The following BANP variants were observed in gnomAD, a reference collection of about 807,000 sequenced individuals.
The protein encoded by BANP is protein BANP.
In BANP, 11 loss-of-function variants were observed where a neutral mutation model predicts 68.1. That is an observed-to-expected ratio of 0.16 (90% CI 0.10 to 0.27). The LOEUF (loss-of-function observed/expected upper bound fraction) is 0.27, where lower values mean the gene tolerates loss of function less well. BANP is among the 10% of genes least tolerant of loss of function. BANP has a pLI of 1.00. For missense variants in BANP, 504 were observed against 722.7 expected, an observed-to-expected ratio of 0.70 and a Z score of 3.47; for synonymous variants, 329 against 303.2, an observed-to-expected ratio of 1.09 and a Z score of -0.88.
chr16:87,955,586 G>A (rs936998107), intron 1 of BANP, among the ~76,000 whole-genome samples: 4 of 152,146 alleles, frequency 2.6e-5, no homozygotes, highest in African/African-American at 7.2e-5. Context: ...GATCCCCTCC[G>A]GGACCCCACA....
intron 9 of BANP, among the ~76,000 whole-genome samples, chr16:88,033,973 A>G (rs11642754): frequency 0.068 from 10,416 of 152,242 alleles, 486 homozygotes; most frequent in Non-Finnish European, 0.1. Context: ...GACCTCGCCT[A>G]TGTTTTTAGT....
chr16:88,073,187 C>G (rs567355682), intron 13 of BANP, among the ~76,000 whole-genome samples: 5 of 152,238 alleles, frequency 3.3e-5, no homozygotes, highest in Non-Finnish European at 7.3e-5. Flanking sequence ...CTCACGCTCA[C>G]CAGGGTGCGC....
chr16:88,060,667 T>A, intron 11 of BANP, among the ~76,000 whole-genome samples: 1 of 152,180 alleles, frequency 6.6e-6, no homozygotes, highest in East Asian at 1.9e-4. Context: ...CGAGAGGCTC[T>A]TCTCACCGTC....
At chr16:87,995,688 A>G (rs2066990986) in intron 4 of BANP, among the ~76,000 whole-genome samples, 1 of 152,234 alleles carries the variant, frequency 6.6e-6, no homozygotes, top group Non-Finnish European at 1.5e-5. Flanking sequence ...TACTTGTTCA[A>G]ATATACATCA....
chr16:88,067,721 G>T (rs1338730421), intron 12 of BANP, among the ~76,000 whole-genome samples: 1 of 152,122 alleles, frequency 6.6e-6, no homozygotes, highest in African/African-American at 2.4e-5. Context: ...TGCCCTGGAC[G>T]GCCGGCTGCC....
Position 88,072,202 on chromosome 16 carries a change from C to T in BANP, c.1511C>T (p.Ala504Val). Residue 504 changes from alanine (A) to valine (V), a missense_variant, in exon 13 of 14, where the codon GCC (alanine) becomes GTC (valine). By Grantham distance (64) the Ala-to-Val change is moderately conservative. Transcript: ENST00000682872. ...CTGGCGCCAGTGAGTGACCACACGG[C>T]CGGGGCACAGGTGAGTCTGGGGCCC... Reference protein sequence around the residue: ...VQLAPVSDHTAGAQTAEALQP... With the variant: ...VQLAPVSDHTVGAQTAEALQP... 1 of 1,609,972 alleles carries T rather than the reference C, an allele frequency of 6.2e-7. No individual in the cohort carries two copies. Among genetic ancestry groups the T allele is most frequent in the East Asian group, 2.2e-5 (1 of 44,854 alleles).
intron 2 of BANP, among the ~76,000 whole-genome samples, chr16:87,979,872 G>T (rs4843764): frequency 0.34 from 51,644 of 151,822 alleles, 10,192 homozygotes; most frequent in Non-Finnish European, 0.47. Flanking sequence ...TGAGGTGGGG[G>T]GTCCCTTGAG....
chr16:88,006,148 A>G lies in BANP; in HGVS notation c.538A>G (p.Ser180Gly), dbSNP rs779744719. The G allele has an allele frequency of 1.1e-5, 17 of 1,613,990 alleles. No homozygotes were observed. The highest frequency in any genetic ancestry group is 1.4e-5 in the Non-Finnish European group (17 of 1,179,934). ...GGTGAAGGTGCCGGGCCAAGAAGAC[A>G]GCCACCACGAGGACGGGGAGAGCGG... ...IVVKVPGQED[S>G]HHEDGESGSE... is the part of the protein sequence containing the mutation. The change falls in exon 6 of 14, where the codon AGC becomes GGC. Residue 180 changes from serine to glycine, a missense_variant. Physicochemically the swap from Ser to Gly is moderately conservative, Grantham distance 56. Around this residue, in one of 3 missense-constraint regions of BANP, gnomAD observed 238 missense variants for 278.9 expected, o/e 0.85. Transcript: ENST00000682872.
At chr16:87,961,836 G>A (rs777252426) in intron 1 of BANP, among the ~76,000 whole-genome samples, 12 of 152,066 alleles carry the variant, frequency 7.9e-5, no homozygotes, top group Non-Finnish European at 1.5e-4. Flanking sequence ...ATGACAGGGC[G>A]TCTGTTATAA....
At chr16:88,001,144 GTACTTACCT>G in intron 4 of BANP, among the ~76,000 whole-genome samples, 2 of 106,448 alleles carry the variant, frequency 1.9e-5, no homozygotes, top group African/African-American at 4.1e-5. Flanking sequence ...GTGCGCGGCT[GTACTTACCT>G]GTCCTTCCAG....
chr16:88,071,438 C>G lies in BANP; in HGVS notation c.1378-631C>G, dbSNP rs1348885594. 1.3e-5 allele frequency: 6 copies of G among 456,012 alleles called. No individual in the cohort carries two copies. The East Asian group carries it at 4.2e-4, about 32-fold the overall frequency. 28.2% of individuals were successfully genotyped at this position (456,012 alleles called of 1,614,324 possible). On this transcript the variant is annotated intron_variant, in intron 12 of 13. Coordinates refer to ENST00000682872, the MANE Select transcript of BANP (RefSeq NM_001386991.1). This position sits in a 1 kb window ranked among gnomAD's most constrained non-coding sequence, Gnocchi z 6.5. Reference sequence around the variant, plus strand: ...CCAGGGGCCTCGCCTGTCCCCCATTCTCATTCCATACTCTGGGAGGCGGTA... The same window carrying G: ...CCAGGGGCCTCGCCTGTCCCCCATTGTCATTCCATACTCTGGGAGGCGGTA...
At chr16:88,066,059 C>T (rs2088488831) in intron 12 of BANP, among the ~76,000 whole-genome samples, 1 of 152,218 alleles carries the variant, frequency 6.6e-6, no homozygotes, top group Non-Finnish European at 1.5e-5. Flanking sequence ...TCTGTCGTCC[C>T]ACTACTGCGG....
chr16:87,963,035 T>A (rs1597789474), intron 1 of BANP, among the ~76,000 whole-genome samples: 1 of 152,196 alleles, frequency 6.6e-6, no homozygotes. Flanking sequence ...TTCGGGAGAT[T>A]TAGCTTTTTA....
Position 88,064,231 on chromosome 16 carries a change from C to T in BANP, c.1312-1036C>T, listed in dbSNP as rs2087783616. On this transcript the variant is annotated intron_variant, in intron 11 of 13. Coordinates refer to ENST00000682872, the MANE Select transcript of BANP (RefSeq NM_001386991.1). The surrounding 1 kb of genome is among the most constrained non-coding windows in gnomAD (Gnocchi z 4.5). ...CAGGGGGGGAGAGTGGACAGCGAGGCGGTGGATGTTGAGGCAGTTGTGCGT... is the reference window on the plus strand; with the variant it reads ...CAGGGGGGGAGAGTGGACAGCGAGGTGGTGGATGTTGAGGCAGTTGTGCGT... 6.6e-6 allele frequency among the ~76,000 whole-genome samples: 1 copy of T among 151,988 alleles called. No individual in the cohort carries two copies.
chr16:87,995,327 GTACAT>G (rs756300198), intron 4 of BANP, among the ~76,000 whole-genome samples: 20 of 152,210 alleles, frequency 1.3e-4, no homozygotes, highest in Non-Finnish European at 2.6e-4. Flanking sequence ...CTTTTTGTAA[GTACAT>G]TACGTCAAAC....
rs753530595 is a variant in BANP at position 88,003,447 on chromosome 16, G to A, written c.363-848G>A. On this transcript the variant is annotated intron_variant, in intron 4 of 13. Coordinates refer to ENST00000682872, the MANE Select transcript of BANP (RefSeq NM_001386991.1). This position sits in a 1 kb window ranked among gnomAD's most constrained non-coding sequence, Gnocchi z 6.1. ...AGTTTTATTGTCAGGTGATAATCAC[G>A]TTGTGTTTCTAGTGCTAGTTCTTTC... 46 of 456,118 alleles carry A rather than the reference G, an allele frequency of 1.0e-4. 1 individual carries two copies. The highest frequency in any genetic ancestry group is 4.8e-4 in the South Asian group (31 of 64,570). The allele number at this position is 456,118 out of a possible 1,614,324, so 28.3% of individuals were successfully genotyped here. A position where few individuals can be genotyped will look rare whatever the true frequency, so the allele number is the denominator to read the frequency against.
chr16:87,972,936 T>G (rs12935595), intron 1 of BANP, among the ~76,000 whole-genome samples: 52,969 of 152,022 alleles, frequency 0.35, 10,522 homozygotes, highest in Non-Finnish European at 0.47. Flanking sequence ...TGGTGGATCC[T>G]GCAGCTGCTG....
chr16:88,024,161 T>C (rs1355944751), intron 7 of BANP, among the ~76,000 whole-genome samples: 1 of 152,166 alleles, frequency 6.6e-6, no homozygotes, highest in Non-Finnish European at 1.5e-5. Flanking sequence ...CAGAGTCACG[T>C]GTGCGGGGCT....
intron 11 of BANP, among the ~76,000 whole-genome samples, chr16:88,060,910 G>A (rs1476882825): frequency 5.3e-5 from 8 of 149,586 alleles, no homozygotes. Flanking sequence ...TGGTCCATGG[G>A]GGAGCGCCAC....
Sources: gnomAD v4.1 joint callset for allele counts (sites outside exome capture counted in the v4.1 genomes callset) on GRCh38, gnomAD v4.1.1 for gene constraint, gnomAD v4.1.1 regional missense constraint, Gnocchi (gnomAD v3.1) non-coding constraint, MANE v1.5 for transcripts, NCBI Gene and HGNC (gene_info 2026-07-23, HGNC 2026-07-21) for gene names.